Variants in DCLK2 observed in about 807,000 individuals in gnomAD.
DCLK2 encodes serine/threonine-protein kinase DCLK2.
Under a neutral mutation model 78.4 loss-of-function variants are expected in DCLK2, and 31 were observed. That is an observed-to-expected ratio of 0.40 (90% CI 0.30 to 0.53). DCLK2 has a LOEUF of 0.53. Ranked by LOEUF, DCLK2 falls within the 20% of genes least tolerant of loss-of-function variation. The pLI, the probability that DCLK2 is intolerant of heterozygous loss-of-function variation, is 0.61. For missense variants in DCLK2, 872 were observed against 973.7 expected, an observed-to-expected ratio of 0.90 and a Z score of 1.39; for synonymous variants, 407 against 374.9, an observed-to-expected ratio of 1.09 and a Z score of -0.99.
intron 2 of DCLK2, among the ~76,000 whole-genome samples, chr4:150,135,870 C>T (rs1733650986): frequency 6.6e-6 from 1 of 152,210 alleles, no homozygotes; most frequent in African/African-American, 2.4e-5. Context: ...ACCAAGGAAG[C>T]TGCTTGCTTA....
intron 2 of DCLK2, 33 bp downstream of exon 2, chr4:150,102,845 G>T (rs1038659778): frequency 3.2e-6 from 5 of 1,552,228 alleles, no homozygotes; most frequent in Non-Finnish European, 4.3e-6. Context: ...CTCTCCATCT[G>T]ACTTTTAAAC....
Position 150,203,818 on chromosome 4 carries a change from C to G in DCLK2, c.985C>G (p.Leu329Val), listed in dbSNP as rs1395567372. ...AGTTAATGGAACTCCCAGCAGCCAA[C>G]TTTCTACTCCTAAATCTACGAAATC... ...ASVNGTPSSQ[L>V]STPKSTKSSS... Residue 329 changes from leucine (L) to valine (V), a missense_variant, in exon 5 of 16, where the codon CTT becomes GTT. By Grantham distance (32) the Leu-to-Val change is conservative. Transcript: ENST00000296550. 4.3e-6 allele frequency: 7 copies of G among 1,613,980 alleles called. No homozygotes were observed. The highest frequency in any genetic ancestry group is 5.9e-6 in the Non-Finnish European group (7 of 1,179,936).
chr4:150,125,615 C>T (rs1048765280), intron 2 of DCLK2, among the ~76,000 whole-genome samples: 5 of 152,098 alleles, frequency 3.3e-5, no homozygotes, highest in African/African-American at 9.7e-5. Context: ...TGTGGCCAGG[C>T]GCGGTGGCTC....
In DCLK2 at chr4:150,132,289, A is replaced by T. The variant is rs1228573455; in HGVS notation, c.756+29477A>T. Among the ~76,000 whole-genome samples, 5 of 152,214 alleles carry T rather than the reference A, an allele frequency of 3.3e-5. 1 individual carries two copies. Among genetic ancestry groups the T allele is most frequent in the African/African-American group, 1.2e-4 (5 of 41,468 alleles). On this transcript the variant is annotated intron_variant, in intron 2 of 15. Coordinates refer to ENST00000296550, the MANE Select transcript of DCLK2 (RefSeq NM_001040260.4). ...CTCAGAGGAGTAGTTGACTTCTGCTAGCATTCAAGTGCTGGATTGTATGCC... is the reference window on the plus strand; with the variant it reads ...CTCAGAGGAGTAGTTGACTTCTGCTTGCATTCAAGTGCTGGATTGTATGCC...
At chr4:150,132,143 A>C (rs1733357142) in intron 2 of DCLK2, among the ~76,000 whole-genome samples, 1 of 152,188 alleles carries the variant, frequency 6.6e-6, no homozygotes. Flanking sequence ...AGGGCATGCA[A>C]GTTGGCTGCT....
intron 2 of DCLK2, among the ~76,000 whole-genome samples, chr4:150,154,311 T>G (rs1393597092): frequency 6.6e-6 from 1 of 152,198 alleles, no homozygotes; most frequent in Non-Finnish European, 1.5e-5. Context: ...AAATCGAGGA[T>G]TCATCCCTTC....
At chr4:150,127,737 C>G (rs1261562528) in intron 2 of DCLK2, among the ~76,000 whole-genome samples, 1 of 152,184 alleles carries the variant, frequency 6.6e-6, no homozygotes, top group Non-Finnish European at 1.5e-5. Flanking sequence ...TCTTTGCACA[C>G]ATCTCCAGGT....
rs34386880 is a variant in DCLK2 at position 150,220,761 on chromosome 4, G to C, written c.1115G>C (p.Arg372Pro). 2 of 1,613,358 alleles carry C rather than the reference G, an allele frequency of 1.2e-6. No individual in the cohort carries two copies. The highest frequency in any genetic ancestry group is 2.7e-5 in the African/African-American group (2 of 74,896). Residue 372 changes from arginine (R) to proline (P), a missense_variant, in exon 6 of 16, where the codon CGT becomes CCT. Physicochemically the swap from Arg to Pro is moderately radical, Grantham distance 103. This residue lies in a region of DCLK2 where 567 missense variants were observed against 593.4 expected (regional missense o/e 0.96). Coordinates refer to ENST00000296550, the MANE Select transcript of DCLK2 (RefSeq NM_001040260.4). ...GTAAACGGTGGACCTGAGCTTGACCGTTGCATAAGTCCTGAAGGTAGTTCT... is the reference window on the plus strand; with the variant it reads ...GTAAACGGTGGACCTGAGCTTGACCCTTGCATAAGTCCTGAAGGTAGTTCT... The part of the protein sequence containing the change: ...SNVNGGPELD[R>P]CISPEGVNGN...
intron 2 of DCLK2, among the ~76,000 whole-genome samples, chr4:150,161,386 A>G (rs897427006): frequency 6.6e-6 from 1 of 152,206 alleles, no homozygotes; most frequent in Non-Finnish European, 1.5e-5. Flanking sequence ...AGCCAGATAC[A>G]AGTCTGTGTT....
intron 2 of DCLK2, among the ~76,000 whole-genome samples, chr4:150,170,418 G>A (rs1736443551): frequency 6.6e-6 from 1 of 152,156 alleles, no homozygotes. Flanking sequence ...GGATAAGGTG[G>A]GAGGGGAAAA....
At chr4:150,161,498 T>TTATATCAGATAATTTA (rs1235819645) in intron 2 of DCLK2, among the ~76,000 whole-genome samples, 1 of 152,150 alleles carries the variant, frequency 6.6e-6, no homozygotes, top group Non-Finnish European at 1.5e-5. Context: ...CTTCTTTAGA[T>TTATATCAGATAATTTA]TATATCAGAT....
intron 1 of DCLK2, among the ~76,000 whole-genome samples, chr4:150,082,233 A>G (rs947654878): frequency 3.9e-5 from 6 of 152,178 alleles, no homozygotes; most frequent in African/African-American, 1.4e-4. Context: ...GATTATTTTT[A>G]ATAAAGCTCT....
At chr4:150,172,484 G>C (rs1181111728) in intron 2 of DCLK2, among the ~76,000 whole-genome samples, 1 of 151,588 alleles carries the variant, frequency 6.6e-6, no homozygotes, top group African/African-American at 2.4e-5. Flanking sequence ...GCGGGCGCCT[G>C]TAGTCTTAGC....
chr4:150,232,769 C>G lies in DCLK2; in HGVS notation c.1507C>G (p.Leu503Val). The G allele has an allele frequency of 6.2e-7, 1 of 1,614,124 alleles. No homozygotes were observed. The highest frequency in any genetic ancestry group is 1.1e-5 in the South Asian group (1 of 91,070). ...SAMVYNLANA[L>V]RYLHGLSIVH... ...CATGGTGTACAACTTAGCCAATGCC[C>G]TCAGGTATCTCCATGGCCTCAGCAT... is the stretch of plus-strand genomic sequence containing the variant. Residue 503 changes from leucine (L) to valine (V), a missense_variant, in exon 10 of 16, where the codon CTC becomes GTC. This residue lies in a region of DCLK2 where 86 missense variants were observed against 150.3 expected (regional missense o/e 0.57). Coordinates refer to ENST00000296550, the MANE Select transcript of DCLK2 (RefSeq NM_001040260.4).
Position 150,227,046 on chromosome 4 carries a change from G to A in DCLK2, c.1299+2488G>A, listed in dbSNP as rs567089877. 9.9e-5 allele frequency among the ~76,000 whole-genome samples: 15 copies of A among 152,188 alleles called. 2 individuals are homozygous for A. In the South Asian group the frequency reaches 3.1e-3, roughly 32 times the overall value. On this transcript the variant is annotated intron_variant, in intron 8 of 15. Transcript: ENST00000296550. ...CTTTGCACATTACCTTTAATGACTT[G>A]CAAAACAGATGCGCCAGTTTTACAG...
At chr4:150,255,122 T>G (rs1164318429) in intron 15 of DCLK2, among the ~76,000 whole-genome samples, 1 of 152,246 alleles carries the variant, frequency 6.6e-6, no homozygotes, top group Non-Finnish European at 1.5e-5. Flanking sequence ...CCAGACTTTT[T>G]TTGTTGTTGT....
chr4:150,253,806 A>C, intron 15 of DCLK2: 1 of 985,450 alleles, frequency 1.0e-6, no homozygotes, highest in Non-Finnish European at 1.2e-6. Flanking sequence ...GGAGTCCCAT[A>C]GTTCTCCTAC....
chr4:150,214,405 G>A (rs1055647097), intron 5 of DCLK2, among the ~76,000 whole-genome samples: 6 of 152,188 alleles, frequency 3.9e-5, no homozygotes, highest in African/African-American at 1.4e-4. Context: ...TATCCTAAAG[G>A]TTGTTCTGTT....
At chr4:150,161,829 T>G (rs547056475) in intron 2 of DCLK2, among the ~76,000 whole-genome samples, 2 of 152,298 alleles carry the variant, frequency 1.3e-5, no homozygotes, top group South Asian at 4.1e-4. Flanking sequence ...AAGAAAATAA[T>G]AAGACATTTT....
Sources: gnomAD v4.1 joint callset for allele counts (sites outside exome capture counted in the v4.1 genomes callset) on GRCh38, gnomAD v4.1.1 for gene constraint, gnomAD v4.1.1 regional missense constraint, MANE v1.5 for transcripts, NCBI Gene and HGNC (gene_info 2026-07-23, HGNC 2026-07-21) for gene names.